The following SMC3 variants were observed in gnomAD, a reference collection of about 807,000 sequenced individuals.
SMC3 encodes structural maintenance of chromosomes protein 3.
SMC3 carries 20 observed loss-of-function variants against 171.8 expected under a neutral mutation model. The ratio of observed to expected loss-of-function variants is 0.12; its 90% CI spans 0.08 to 0.17. SMC3 has a LOEUF of 0.17. Ranked by LOEUF, SMC3 falls within the 10% of genes least tolerant of loss-of-function variation. SMC3 has a pLI of 1.00. For missense variants in SMC3, 543 were observed against 1,420.4 expected (o/e 0.38, Z 9.93); for synonymous variants, 464 against 451.1 (o/e 1.03, Z -0.36).
intron 17 of SMC3, among the ~76,000 whole-genome samples, chr10:110,591,912 A>G (rs569851477): frequency 5.3e-5 from 8 of 152,282 alleles, no homozygotes; most frequent in South Asian, 2.1e-4. Flanking sequence ...TGATGTATGA[A>G]TGGAACGAGA....
At chr10:110,586,338 G>A (rs1861115549) in intron 13 of SMC3, among the ~76,000 whole-genome samples, 1 of 152,168 alleles carries the variant, frequency 6.6e-6, no homozygotes, top group African/African-American at 2.4e-5. Context: ...CGTGCTGTGG[G>A]TTTTAGTTGT....
chr10:110,567,729 A>T lies in SMC3; in HGVS notation c.-88A>T, dbSNP rs1357162209. 8.0e-6 allele frequency: 12 copies of T among 1,504,506 alleles called. No individual in the cohort carries two copies. The highest frequency in any genetic ancestry group is 1.1e-5 in the Non-Finnish European group (12 of 1,085,618). The allele number at this position is 1,504,506 out of a possible 1,614,324, so 93.2% of individuals were successfully genotyped here. A position where few individuals can be genotyped will look rare whatever the true frequency, so the allele number is the denominator to read the frequency against. Reference sequence around the variant, plus strand: ...AGGGGAGCGAGCGGCGCTTTGGGGGAGGGGTCGCGTAGGCGCCTCACCTGA... The same window carrying T: ...AGGGGAGCGAGCGGCGCTTTGGGGGTGGGGTCGCGTAGGCGCCTCACCTGA... On this transcript the variant is annotated 5_prime_UTR_variant, in exon 1 of 29. Coordinates refer to ENST00000361804, the MANE Select transcript of SMC3 (RefSeq NM_005445.4).
At position 110,583,417 on chromosome 10, in the gene SMC3, A is replaced by G. The variant is rs777875328; in HGVS notation, c.838A>G (p.Lys280Glu). 1 of 1,614,062 alleles carries G rather than the reference A, an allele frequency of 6.2e-7. No individual in the cohort carries two copies. The highest frequency in any genetic ancestry group is 1.1e-5 in the South Asian group (1 of 91,078). ...ACGCCAAGTTAGAGAATTGAAAACA[A>G]AAATTTCAGCTATGAAAGAAGAAAA... The part of the protein sequence containing the change: ...IERQVRELKT[K>E]ISAMKEEKEQ... The change falls in exon 11 of 29, where the codon AAA (lysine) becomes GAA (glutamate). Residue 280 changes from lysine to glutamate, a missense_variant. Physicochemically the swap from Lys to Glu is moderately conservative, Grantham distance 56. This residue lies in a region of SMC3 where 146 missense variants were observed against 437.9 expected (regional missense o/e 0.33). Coordinates refer to ENST00000361804, the MANE Select transcript of SMC3 (RefSeq NM_005445.4).
chr10:110,605,190 A>G lies in SMC3; in HGVS notation c.*888A>G, dbSNP rs933901389. 2.0e-5 allele frequency among the ~76,000 whole-genome samples: 3 copies of G among 152,106 alleles called. No homozygotes were observed. The highest frequency in any genetic ancestry group is 7.2e-5 in the African/African-American group (3 of 41,430). ...TGTTTACCTTGATCACCTACCCAACATTGTACTTGCCAGGTTTCTTTGTTG... is the reference window on the plus strand; with the variant it reads ...TGTTTACCTTGATCACCTACCCAACGTTGTACTTGCCAGGTTTCTTTGTTG... On this transcript the variant is annotated 3_prime_UTR_variant, in exon 29 of 29. Coordinates refer to ENST00000361804, the MANE Select transcript of SMC3 (RefSeq NM_005445.4).
At chr10:110,578,991 T>A (rs985187627) in intron 7 of SMC3, among the ~76,000 whole-genome samples, 4 of 152,220 alleles carry the variant, frequency 2.6e-5, no homozygotes, top group Non-Finnish European at 4.4e-5. Flanking sequence ...ATTGTAGGAA[T>A]TCTATAAAAA....
intron 2 of SMC3, among the ~76,000 whole-genome samples, chr10:110,573,068 G>A (rs2134713015): frequency 6.6e-6 from 1 of 152,066 alleles, no homozygotes; most frequent in Middle Eastern, 3.4e-3. Context: ...GTAACTTTGT[G>A]GTTAATTTGC....
intron 28 of SMC3, among the ~76,000 whole-genome samples, chr10:110,603,505 A>G (rs935394262): frequency 1.5e-4 from 23 of 152,238 alleles, no homozygotes; most frequent in South Asian, 2.1e-4. Context: ...TTAATAAACA[A>G]TATCTTTCTG....
In SMC3 at chr10:110,591,145, G is replaced by A; in HGVS notation, c.1812+13G>A. 3.1e-6 allele frequency: 5 copies of A among 1,611,876 alleles called. No homozygotes were observed. Among genetic ancestry groups the A allele is most frequent in the Non-Finnish European group, 4.2e-6 (5 of 1,178,416 alleles). On this transcript the variant is annotated intron_variant, in intron 17 of 28. Coordinates refer to ENST00000361804, the MANE Select transcript of SMC3 (RefSeq NM_005445.4). ...TCCTGAAACCAATGTGAGTCATTGT[G>A]TGATAAGGTGTATTTCTCTTTTATA... is the stretch of plus-strand genomic sequence containing the variant.
rs1468888242 is a variant in SMC3 at position 110,604,731 on chromosome 10, T to C, written c.*429T>C. 5.7e-6 allele frequency: 1 copy of C among 174,932 alleles called. No individual in the cohort carries two copies. Among genetic ancestry groups the C allele is most frequent in the Admixed American group, 5.7e-5 (1 of 17,446 alleles). 10.8% of individuals were successfully genotyped at this position (174,932 alleles called of 1,614,324 possible). ...GGCCTCATTTTAACTTAATCACCTC[T>C]TTAAAAGACCTGTCTCCAAATACAG... On this transcript the variant is annotated 3_prime_UTR_variant, in exon 29 of 29. Coordinates refer to ENST00000361804, the MANE Select transcript of SMC3 (RefSeq NM_005445.4).
At chr10:110,595,073 C>T (rs1052687766) in intron 18 of SMC3, among the ~76,000 whole-genome samples, 1 of 151,700 alleles carries the variant, frequency 6.6e-6, no homozygotes, top group African/African-American at 2.4e-5. Flanking sequence ...ACCTCCGCCT[C>T]GCAGGTTCAA....
intron 4 of SMC3, among the ~76,000 whole-genome samples, chr10:110,576,597 A>C (rs1475264233): frequency 6.6e-6 from 1 of 152,232 alleles, no homozygotes; most frequent in Non-Finnish European, 1.5e-5. Context: ...AACATGTCTT[A>C]ACAGTGTTTC....
At chr10:110,583,797 A>G (rs1282626566) in intron 11 of SMC3, 44 bp from the exon 12 acceptor site, 9 of 1,605,394 alleles carry the variant, frequency 5.6e-6, no homozygotes, top group Admixed American at 5.1e-5. Context: ...GACCTAAATT[A>G]TGCAAAAAAT....
intron 6 of SMC3, 99 bp downstream of exon 6, chr10:110,578,013 A>G (rs1027815935): frequency 3.8e-6 from 3 of 793,992 alleles, no homozygotes; most frequent in East Asian, 2.6e-5. Context: ...CTTGGCCTCA[A>G]ATGATCCACC....
intron 13 of SMC3, among the ~76,000 whole-genome samples, chr10:110,586,015 C>T (rs922362632): frequency 6.6e-6 from 1 of 152,026 alleles, no homozygotes; most frequent in Non-Finnish European, 1.5e-5. Flanking sequence ...CCAGGATGGT[C>T]TTGATCTCTT....
Position 110,600,555 on chromosome 10 carries a change from G to A in SMC3, c.2535+9G>A, listed in dbSNP as rs1564795535. 3 of 1,238,536 alleles carry A rather than the reference G, an allele frequency of 2.4e-6. No individual in the cohort carries two copies. Among genetic ancestry groups the A allele is most frequent in the Admixed American group, 1.7e-5 (1 of 57,266 alleles). The allele number at this position is 1,238,536 out of a possible 1,614,324, so 76.7% of individuals were successfully genotyped here. ...TGGACCAAGTAGAACAGGTGTGTATGTGTTTTTTTTTTTTTTTTTAAGGGC... is the reference window on the plus strand; with the variant it reads ...TGGACCAAGTAGAACAGGTGTGTATATGTTTTTTTTTTTTTTTTTAAGGGC... On this transcript the variant is annotated intron_variant, in intron 22 of 28. Transcript: ENST00000361804.
In SMC3 at chr10:110,589,760, G is replaced by A. The variant is rs746074316; in HGVS notation, c.1409+52G>A. ...ATGTTTTCAGTAATGTTCGTTACTA[G>A]CTGTTATGTGGTCTTTAAGTTACAA... On this transcript the variant is annotated intron_variant, in intron 14 of 28. Coordinates refer to ENST00000361804, the MANE Select transcript of SMC3 (RefSeq NM_005445.4). 4.3e-6 allele frequency: 6 copies of A among 1,402,644 alleles called. No individual in the cohort carries two copies. In the Admixed American group the frequency reaches 8.5e-5, roughly 20 times the overall value. The allele number at this position is 1,402,644 out of a possible 1,614,324, so 86.9% of individuals were successfully genotyped here. A position where few individuals can be genotyped will look rare whatever the true frequency, so the allele number is the denominator to read the frequency against.
chr10:110,572,495 A>G lies in SMC3; in HGVS notation c.92-1212A>G, dbSNP rs867245798. On this transcript the variant is annotated intron_variant, in intron 2 of 28. Transcript: ENST00000361804. ...TTTTATAACATTGTTATTTTTGAGA[A>G]TTAAGACATAAGTGATGTTGTGTCC... Among the ~76,000 whole-genome samples the G allele has an allele frequency of 4.6e-5, 7 of 152,162 alleles. No homozygotes were observed. The South Asian group carries it at 1.2e-3, about 27-fold the overall frequency.
chr10:110,598,636 C>T (rs1861337637), intron 20 of SMC3, among the ~76,000 whole-genome samples: 1 of 152,114 alleles, frequency 6.6e-6, no homozygotes, highest in Non-Finnish European at 1.5e-5. Flanking sequence ...AAACTCCTGA[C>T]CTCAGATGAT....
At chr10:110,586,553 C>G (rs550775223) in intron 13 of SMC3, among the ~76,000 whole-genome samples, 47 of 152,238 alleles carry the variant, frequency 3.1e-4, no homozygotes, top group Middle Eastern at 6.8e-3. Flanking sequence ...GCTTGAAGTT[C>G]ATTATTTTCC....
Sources: gnomAD v4.1 joint callset for allele counts (sites outside exome capture counted in the v4.1 genomes callset) on GRCh38, gnomAD v4.1.1 for gene constraint, gnomAD v4.1.1 regional missense constraint, MANE v1.5 for transcripts, NCBI Gene and HGNC (gene_info 2026-07-23, HGNC 2026-07-21) for gene names.